The following STIM1 variants were observed in gnomAD, a reference collection of about 807,000 sequenced individuals.
STIM1 encodes stromal interaction molecule 1.
In STIM1, 25 loss-of-function variants were observed where a neutral mutation model predicts 74.7. That is an observed-to-expected ratio of 0.33 (90% CI 0.24 to 0.47). The LOEUF is 0.47. Ranked by LOEUF, STIM1 falls within the 20% of genes least tolerant of loss-of-function variation. The probability of loss-of-function intolerance (pLI) is 1.00; values close to 1 mark genes in which losing one functional copy is unlikely to be tolerated. For missense variants in STIM1, 728 were observed against 920.8 expected (o/e 0.79, Z 2.71); for synonymous variants, 328 against 348.8 (o/e 0.94, Z 0.66).
intron 2 of STIM1, among the ~76,000 whole-genome samples, chr11:4,010,783 A>C (rs1391123313): frequency 6.6e-6 from 1 of 152,080 alleles, no homozygotes; most frequent in Non-Finnish European, 1.5e-5. Flanking sequence ...GGTTTGTTAC[A>C]TAGGTATACA....
intron 1 of STIM1, among the ~76,000 whole-genome samples, chr11:3,943,466 T>C (rs2093034995): frequency 6.6e-6 from 1 of 152,206 alleles, no homozygotes. Context: ...TTACCTGTCT[T>C]CTTCACCAGA....
intron 4 of STIM1, among the ~76,000 whole-genome samples, chr11:4,057,518 T>C (rs2094299331): frequency 6.6e-6 from 1 of 152,186 alleles, no homozygotes; most frequent in Admixed American, 6.5e-5. Flanking sequence ...GCTTTGCCAC[T>C]TACTTGTGTG....
intron 1 of STIM1, 120 bp downstream of exon 1, chr11:3,856,529 G>C: frequency 8.1e-7 from 1 of 1,235,332 alleles, no homozygotes. Context: ...TTCACACATG[G>C]CACTGCCTGT....
chr11:3,998,665 G>T (rs1443450790), intron 2 of STIM1, among the ~76,000 whole-genome samples: 18 of 152,102 alleles, frequency 1.2e-4, no homozygotes, highest in African/African-American at 4.3e-4. Flanking sequence ...AGTTGCTTAG[G>T]GAGAGTAAGA....
rs1229787692 is a variant in STIM1, at chr11:4,090,361, A to G, written c.1635-921A>G. 2.0e-5 allele frequency among the ~76,000 whole-genome samples: 3 copies of G among 152,238 alleles called. No homozygotes were observed. The East Asian group carries it at 5.8e-4, about 29-fold the overall frequency. On this transcript the variant is annotated intron_variant, in intron 12 of 12. Transcript: ENST00000526596. ...CTGAACCACTGCTCTTTAAAGGCCA[A>G]CATCCTGTCTTTCTATGCCTCCCTA... is the stretch of plus-strand genomic sequence containing the variant.
At chr11:3,958,151 A>C (rs2135700654) in intron 1 of STIM1, among the ~76,000 whole-genome samples, 1 of 152,332 alleles carries the variant, frequency 6.6e-6, no homozygotes, top group East Asian at 1.9e-4. Context: ...GGCTTGAGCC[A>C]CCGCTCCCAG....
intron 1 of STIM1, among the ~76,000 whole-genome samples, chr11:3,930,836 A>G (rs1418498482): frequency 1.3e-5 from 2 of 152,334 alleles, no homozygotes; most frequent in South Asian, 2.1e-4. Context: ...GGCCGAGCAG[A>G]CAGTTTTGAA....
At chr11:3,944,026 A>G (rs1380907560) in intron 1 of STIM1, among the ~76,000 whole-genome samples, 1 of 152,230 alleles carries the variant, frequency 6.6e-6, no homozygotes, top group Non-Finnish European at 1.5e-5. Context: ...CACCTAACAT[A>G]GGTTATGTAC....
In STIM1 at chr11:4,055,061, T is replaced by G. The variant is rs75943658; in HGVS notation, c.386-465T>G. On this transcript the variant is annotated intron_variant, in intron 3 of 12. Coordinates refer to ENST00000526596, the MANE Select transcript of STIM1 (RefSeq NM_001382567.1). The stretch of plus-strand genomic sequence containing the variant: ...ATGCTCAGTTGAATAGCTGGACGAA[T>G]GGATGGATGGATAATTGATTCTCAA... Among the ~76,000 whole-genome samples, 1,143 of 152,356 alleles carry G rather than the reference T, an allele frequency of 7.5e-3. 6 individuals are homozygous for G. Among genetic ancestry groups the G allele is most frequent in the Non-Finnish European group, 0.013 (905 of 68,026 alleles).
intron 1 of STIM1, among the ~76,000 whole-genome samples, chr11:3,894,478 C>G (rs928030174): frequency 6.6e-6 from 1 of 152,108 alleles, no homozygotes; most frequent in Non-Finnish European, 1.5e-5. Context: ...TGAACAAGAG[C>G]CCAAAAGTGA....
At chr11:4,060,543 G>T (rs528474592) in intron 5 of STIM1, among the ~76,000 whole-genome samples, 2 of 152,212 alleles carry the variant, frequency 1.3e-5, no homozygotes, top group South Asian at 4.1e-4. Context: ...TTTTTTTTGG[G>T]GGAGTGGAGG....
At chr11:4,064,458 C>G (rs1223919445) in intron 5 of STIM1, among the ~76,000 whole-genome samples, 1 of 152,164 alleles carries the variant, frequency 6.6e-6, no homozygotes, top group Non-Finnish European at 1.5e-5. Context: ...GCTGAGTGAG[C>G]AGACACTTAG....
intron 1 of STIM1, among the ~76,000 whole-genome samples, chr11:3,898,891 C>T (rs1240424480): frequency 2.6e-5 from 4 of 151,806 alleles, no homozygotes; most frequent in African/African-American, 7.3e-5. Context: ...GTTTTGGTAC[C>T]AGTACCATGC....
At chr11:4,013,690 CTTTTTTTT>C (rs1169600270) in intron 2 of STIM1, among the ~76,000 whole-genome samples, 5 of 51,926 alleles carry the variant, frequency 9.6e-5, no homozygotes, top group East Asian at 5.7e-4. Context: ...TCATTGATTT[CTTTTTTTT>C]TTTTTTTTTT....
intron 1 of STIM1, among the ~76,000 whole-genome samples, chr11:3,946,311 A>G (rs772032925): frequency 1.3e-5 from 2 of 152,196 alleles, no homozygotes; most frequent in Non-Finnish European, 2.9e-5. Context: ...TGTGAGAATT[A>G]AATTAATATG....
At chr11:3,899,846 C>G (rs2092299675) in intron 1 of STIM1, among the ~76,000 whole-genome samples, 2 of 151,690 alleles carry the variant, frequency 1.3e-5, no homozygotes, top group Admixed American at 1.3e-4. Context: ...TTGAACCAGC[C>G]TTGCATCCCA....
At chr11:3,977,829 G>A (rs574346708) in intron 2 of STIM1, among the ~76,000 whole-genome samples, 3 of 152,198 alleles carry the variant, frequency 2.0e-5, no homozygotes, top group Non-Finnish European at 2.9e-5. Flanking sequence ...CTAGCACAAT[G>A]CCTGGTACGT....
chr11:4,091,939 C>T lies in STIM1; in HGVS notation c.*141C>T. ...CCAGGGGTCTGGGCACTGTACATAC[C>T]TGCCCCCTCATCCTTGGGTCCTTCA... On this transcript the variant is annotated 3_prime_UTR_variant, in exon 13 of 13. Coordinates refer to ENST00000526596, the MANE Select transcript of STIM1 (RefSeq NM_001382567.1). 1 of 1,126,436 alleles carries T rather than the reference C, an allele frequency of 8.9e-7. No individual in the cohort carries two copies. Among genetic ancestry groups the T allele is most frequent in the East Asian group, 2.6e-5 (1 of 39,084 alleles). 69.8% of individuals were successfully genotyped at this position (1,126,436 alleles called of 1,614,324 possible). A position where few individuals can be genotyped will look rare whatever the true frequency, so the allele number is the denominator to read the frequency against.
At chr11:4,082,840 C>T (rs202045780) in intron 8 of STIM1, 42 bp from the exon 9 acceptor site, 13 of 1,561,658 alleles carry the variant, frequency 8.3e-6, no homozygotes, top group Admixed American at 5.0e-5. Flanking sequence ...ATTCCATTCT[C>T]GAATCCCTGC....
Sources: gnomAD v4.1 joint callset for allele counts (sites outside exome capture counted in the v4.1 genomes callset) on GRCh38, gnomAD v4.1.1 for gene constraint, MANE v1.5 for transcripts, NCBI Gene and HGNC (gene_info 2026-07-23, HGNC 2026-07-21) for gene names.